RASSF3: variants seen among roughly 807,000 people sequenced by gnomAD.
The protein encoded by RASSF3 is ras association domain-containing protein 3.
In RASSF3, 19 loss-of-function variants were observed where a neutral mutation model predicts 19.9. The observed-to-expected ratio is 0.96, with a 90% CI of 0.67 to 1.40. The LOEUF (loss-of-function observed/expected upper bound fraction) is 1.40. Ranked by LOEUF, RASSF3 falls within the 40% of genes most tolerant of loss-of-function variation. The pLI is 0.00. For missense variants in RASSF3, 306 were observed against 289.8 expected, an observed-to-expected ratio of 1.06 and a Z score of -0.41; for synonymous variants, 110 against 104.2, an observed-to-expected ratio of 1.06 and a Z score of -0.34.
At chr12:64,597,936 G>A (rs1355209727) in intron 2 of RASSF3, among the ~76,000 whole-genome samples, 1 of 151,626 alleles carries the variant, frequency 6.6e-6, no homozygotes, top group Non-Finnish European at 1.5e-5. Flanking sequence ...ATTTTGTTTT[G>A]AGACAGAGTC....
chr12:64,635,601 T>C (rs998042281), intron 1 of RASSF3, among the ~76,000 whole-genome samples: 2 of 152,222 alleles, frequency 1.3e-5, no homozygotes, highest in Non-Finnish European at 1.5e-5. Context: ...GGTACAGTTA[T>C]TAGAAGAGGC....
chr12:64,599,935 G>C (rs549037115), intron 2 of RASSF3, among the ~76,000 whole-genome samples: 1 of 150,942 alleles, frequency 6.6e-6, no homozygotes, highest in African/African-American at 2.4e-5. Context: ...GGGAGGCTGA[G>C]GAAGGAGAAT....
upstream of RASSF3, among the ~76,000 whole-genome samples, chr12:64,532,859 G>A (rs569061390): frequency 1.3e-5 from 2 of 152,180 alleles, no homozygotes; most frequent in South Asian, 4.2e-4. Flanking sequence ...AGCAAACTCA[G>A]TGAGATGGGA....
At chr12:64,594,477 A>C (rs1445632973) in intron 2 of RASSF3, among the ~76,000 whole-genome samples, 1 of 152,226 alleles carries the variant, frequency 6.6e-6, no homozygotes, top group South Asian at 2.1e-4. Context: ...ATGTTTTATT[A>C]CTATAAATTT....
intron 1 of RASSF3, among the ~76,000 whole-genome samples, chr12:64,538,854 G>T: frequency 6.6e-6 from 1 of 151,922 alleles, no homozygotes; most frequent in East Asian, 1.9e-4. Flanking sequence ...GACCAGCCTG[G>T]GCCAACGGTG....
At chr12:64,626,264 G>T (rs1870987789) in intron 1 of RASSF3, among the ~76,000 whole-genome samples, 1 of 152,048 alleles carries the variant, frequency 6.6e-6, no homozygotes, top group South Asian at 2.1e-4. Context: ...GCCGGGTGTG[G>T]TGGCTCACGC....
At chr12:64,621,726 C>T (rs1359303660) in intron 1 of RASSF3, among the ~76,000 whole-genome samples, 1 of 152,232 alleles carries the variant, frequency 6.6e-6, no homozygotes, top group Non-Finnish European at 1.5e-5. Context: ...CCCGCCTGGG[C>T]CTCCCAAAGT....
intron 1 of RASSF3, among the ~76,000 whole-genome samples, chr12:64,515,188 C>G (rs1464461297): frequency 1.3e-5 from 2 of 152,058 alleles, no homozygotes; most frequent in Non-Finnish European, 2.9e-5. Context: ...TCCCGAGTAG[C>G]TGGGATTATA....
Position 64,673,538 on chromosome 12 carries a change from G to C in RASSF3, c.112-11249G>C, listed in dbSNP as rs375790962. On this transcript the variant is annotated intron_variant, in intron 1 of 4. Transcript: ENST00000542104. ...GACACGCCTGCCTTTGAAAACCTAA[G>C]AATCCACTGCTTTTTCTGTTGAGAC... Among the ~76,000 whole-genome samples, 172 of 152,242 alleles carry C rather than the reference G, an allele frequency of 1.1e-3. 1 individual carries two copies. Among genetic ancestry groups the C allele is most frequent in the African/African-American group, 3.9e-3 (160 of 41,544 alleles).
At chr12:64,579,019 T>C (rs1327491861) in intron 2 of RASSF3, among the ~76,000 whole-genome samples, 4 of 151,624 alleles carry the variant, frequency 2.6e-5, no homozygotes, top group Admixed American at 1.3e-4. Context: ...CCCAGCTACT[T>C]GGGAGGCTGA....
Position 64,696,721 on chromosome 12 carries a change from A to G in RASSF3, c.*1809A>G, listed in dbSNP as rs897224803. 2 of 152,206 alleles carry G rather than the reference A, an allele frequency of 1.3e-5. No individual in the cohort carries two copies. The highest frequency in any genetic ancestry group is 4.8e-5 in the African/African-American group (2 of 41,448). The allele number at this position is 152,206 out of a possible 1,614,324, so 9.4% of individuals were successfully genotyped here. On this transcript the variant is annotated 3_prime_UTR_variant, in exon 5 of 5. Coordinates refer to ENST00000542104, the MANE Select transcript of RASSF3 (RefSeq NM_178169.4). The stretch of plus-strand genomic sequence containing the variant: ...TGCCACACAATTTACTGAGACAATC[A>G]TATCTTCCTAAGCATTTAAGGAAAG...
chr12:64,567,255 C>CA (rs1869447220), intron 2 of RASSF3, among the ~76,000 whole-genome samples: 1 of 152,064 alleles, frequency 6.6e-6, no homozygotes, highest in Non-Finnish European at 1.5e-5. Context: ...CTGCCTTTAT[C>CA]AGTCACAGTC....
chr12:64,601,025 T>C (rs1870082941), intron 2 of RASSF3, among the ~76,000 whole-genome samples: 1 of 152,180 alleles, frequency 6.6e-6, no homozygotes, highest in Non-Finnish European at 1.5e-5. Context: ...CAGTGGCTCA[T>C]GTCTGTACTC....
intron 2 of RASSF3, among the ~76,000 whole-genome samples, chr12:64,586,489 C>CAAA (rs1455536821): frequency 4.1e-5 from 1 of 24,268 alleles, no homozygotes; most frequent in Non-Finnish European, 6.5e-5. Flanking sequence ...GACTCCTTCT[C>CAAA]AGAAAAAAAA....
intron 2 of RASSF3, among the ~76,000 whole-genome samples, chr12:64,588,911 G>T (rs1488917585): frequency 6.6e-6 from 1 of 152,038 alleles, no homozygotes; most frequent in African/African-American, 2.4e-5. Context: ...CTTTTAATGT[G>T]ATTGAATCTT....
intron 1 of RASSF3, among the ~76,000 whole-genome samples, chr12:64,517,557 G>GT (rs1467333020): frequency 6.6e-6 from 1 of 151,976 alleles, no homozygotes; most frequent in African/African-American, 2.4e-5. Context: ...AGGGCAAGAT[G>GT]TAAGTATGAT....
chr12:64,523,261 C>T (rs1489533522), intron 1 of RASSF3, among the ~76,000 whole-genome samples: 2 of 151,980 alleles, frequency 1.3e-5, no homozygotes, highest in Non-Finnish European at 2.9e-5. Flanking sequence ...CAAAAAATAG[C>T]CGGGCATGGT....
chr12:64,622,648 CT>C (rs755170382), intron 1 of RASSF3: 4 of 320,248 alleles, frequency 1.2e-5, no homozygotes, highest in Non-Finnish European at 2.5e-5. Context: ...TGCTTAATCT[CT>C]TTTATTCTGA....
chr12:64,574,557 G>A (rs1047389543), intron 2 of RASSF3, among the ~76,000 whole-genome samples: 2 of 152,190 alleles, frequency 1.3e-5, no homozygotes, highest in African/African-American at 4.8e-5. Flanking sequence ...TGGCCAGTGG[G>A]ATATTGGCAT....
Sources: allele counts gnomAD v4.1 joint callset (sites outside exome capture counted in the v4.1 genomes callset), GRCh38; gene constraint gnomAD v4.1.1; transcripts MANE v1.5; gene names NCBI Gene and HGNC (gene_info 2026-07-23, HGNC 2026-07-21).